SP140: variants seen among roughly 807,000 people sequenced by gnomAD.
SP140 encodes SP140 nuclear body protein.
A neutral mutation model predicts 125.0 loss-of-function variants in SP140; 81 were observed. The observed-to-expected ratio is 0.65, with a 90% CI of 0.54 to 0.78. SP140 has a LOEUF of 0.78. Among genes scored for constraint, SP140 ranks in the 30% least tolerant of loss-of-function variants. The pLI is 0.00. For synonymous variants in SP140, 312 were observed against 354.0 expected, an observed-to-expected ratio of 0.88 and a Z score of 1.33; for missense variants, 858 against 1,037.0, an observed-to-expected ratio of 0.83 and a Z score of 2.37.
At position 230,225,941 on chromosome 2, in the gene SP140, C is replaced by G. The variant is rs952657391; in HGVS notation, c.59+38C>G. 8 of 1,554,488 alleles carry G rather than the reference C, an allele frequency of 5.1e-6. No homozygotes were observed. In the Admixed American group the frequency reaches 1.2e-4, roughly 23 times the overall value. On this transcript the variant is annotated intron_variant, in intron 1 of 26. Coordinates refer to ENST00000392045, the MANE Select transcript of SP140 (RefSeq NM_007237.5). ...CTCCTTTCCCGTCTGTCCTTCATCTCTGGTAGGGTTCCCTTTCATACTTGT... is the reference window on the plus strand; with the variant it reads ...CTCCTTTCCCGTCTGTCCTTCATCTGTGGTAGGGTTCCCTTTCATACTTGT...
upstream of SP140, chr2:230,200,905 G>A (rs201350600): frequency 2.7e-5 from 43 of 1,613,322 alleles, no homozygotes; most frequent in Non-Finnish European, 3.6e-5. Flanking sequence ...CCTTCGTGGT[G>A]TACTAGGCGT....
chr2:230,293,227 G>A (rs1003097205), intron 20 of SP140, among the ~76,000 whole-genome samples: 12 of 152,230 alleles, frequency 7.9e-5, no homozygotes, highest in African/African-American at 2.9e-4. Flanking sequence ...AATTGGGGCA[G>A]GTTGTGCAGG....
rs981575617 is a variant in SP140 at position 230,239,062 on chromosome 2, G to T, written c.406+681G>T. On this transcript the variant is annotated intron_variant, in intron 3 of 26. Coordinates refer to ENST00000392045, the MANE Select transcript of SP140 (RefSeq NM_007237.5). ...TTGGAAAATAAAGAAGGAATAAAGG[G>T]CATTTAAACGGGAAAAGTAAAAGAA... 2.9e-6 allele frequency: 4 copies of T among 1,394,136 alleles called. No individual in the cohort carries two copies. In the South Asian group the frequency reaches 6.9e-5, roughly 24 times the overall value. The allele number at this position is 1,394,136 out of a possible 1,614,324, so 86.4% of individuals were successfully genotyped here.
chr2:230,253,566 T>G lies in SP140; in HGVS notation c.1159+149T>G, dbSNP rs901987722. On this transcript the variant is annotated intron_variant, in intron 11 of 26. Coordinates refer to ENST00000392045, the MANE Select transcript of SP140 (RefSeq NM_007237.5). ...AATTATGTCAATTTTCTGTTGGGCT[T>G]TTTTTGTAAATTGTGAGAGACAAAG... 1.2e-5 allele frequency: 8 copies of G among 654,520 alleles called. No individual in the cohort carries two copies. In the African/African-American group the frequency reaches 1.5e-4, roughly 12 times the overall value. 40.5% of individuals were successfully genotyped at this position (654,520 alleles called of 1,614,324 possible). A position where few individuals can be genotyped will look rare whatever the true frequency, so the allele number is the denominator to read the frequency against.
At chr2:230,315,268 A>G (rs191896290), downstream of SP140, among the ~76,000 whole-genome samples, 1 of 152,310 alleles carries the variant, frequency 6.6e-6, no homozygotes, top group African/African-American at 2.4e-5. Context: ...AGAACCTTGT[A>G]AATGTGCACA....
the SP140 span, among the ~76,000 whole-genome samples, chr2:230,189,790 G>A: frequency 0.76 from 116,172 of 151,992 alleles, 44,521 homozygotes; most frequent in Admixed American, 0.83. Flanking sequence ...GAGAACATGC[G>A]GTGTTTGGTT....
intron 10 of SP140, 98 bp from the exon 11 acceptor site, chr2:230,253,218 A>C: frequency 1.2e-6 from 1 of 816,980 alleles, no homozygotes; most frequent in Non-Finnish European, 2.1e-6. Context: ...GATGGAGAAA[A>C]GGCGGAACAA....
At chr2:230,247,310 C>T (rs2049607101) in intron 7 of SP140, among the ~76,000 whole-genome samples, 1 of 152,146 alleles carries the variant, frequency 6.6e-6, no homozygotes, top group Admixed American at 6.5e-5. Context: ...GATCTGACTC[C>T]TCTCCCAGTG....
chr2:230,207,993 C>T, intron 1 of SP140: 2 of 1,522,276 alleles, frequency 1.3e-6, no homozygotes, highest in Non-Finnish European at 1.8e-6. Flanking sequence ...CATCTTACCT[C>T]CTGGGAGGCT....
rs116860164 is a variant in SP140, at chr2:230,232,658, A to G, written c.60-4425A>G. Among the ~76,000 whole-genome samples, 759 of 152,318 alleles carry G rather than the reference A, an allele frequency of 5.0e-3. 13 individuals carry two copies. The highest frequency in any genetic ancestry group is 0.02 in the East Asian group (102 of 5,190). On this transcript the variant is annotated intron_variant, in intron 1 of 26. Transcript: ENST00000392045. ...ATAGCCAGAGCATGTAACCTGTTCA[A>G]TTTCTCTTCATTATTATTTATTGAA... is the stretch of plus-strand genomic sequence containing the variant.
Position 230,237,207 on chromosome 2 carries a change from C to T in SP140, c.184C>T (p.Pro62Ser). Residue 62 changes from proline (P) to serine (S), a missense_variant, in exon 2 of 27, where the codon CCT becomes TCT. Transcript: ENST00000392045. This position sits in a 1 kb window ranked among gnomAD's most constrained non-coding sequence, Gnocchi z 5.4. ...TGCAAGTGCAATAACAAGGCCATTT[C>T]CTTTCCTTATGGGCCTCCGAGACCG... is the stretch of plus-strand genomic sequence containing the variant. ...EIASAITRPFPFLMGLRDRSF... is the reference protein window; with the variant it reads ...EIASAITRPFSFLMGLRDRSF... 1 of 1,612,810 alleles carries T rather than the reference C, an allele frequency of 6.2e-7. No homozygotes were observed. The highest frequency in any genetic ancestry group is 8.5e-7 in the Non-Finnish European group (1 of 1,179,638).
chr2:230,189,747 T>C, the SP140 span, among the ~76,000 whole-genome samples: 3 of 152,282 alleles, frequency 2.0e-5, no homozygotes, highest in East Asian at 5.8e-4. Flanking sequence ...TCTGTGTCCA[T>C]GTGTTCTCAA....
rs780604793 is a variant in SP140 at position 230,245,876 on chromosome 2, T to C, written c.678T>C (p.Leu226=). Residue 226 remains leucine (L), a synonymous_variant, in exon 7 of 27, where the codon CTT becomes CTC. Coordinates refer to ENST00000392045, the MANE Select transcript of SP140 (RefSeq NM_007237.5). ...TTCACTCTGCAGTGTCCTGTAAACT[T>C]GCTATACAAATAGATGAAGGAGAAT... ...LLPGGGVSCK[L]AIQIDEGESE... 9.3e-6 allele frequency: 15 copies of C among 1,605,772 alleles called. No individual in the cohort carries two copies. In the Admixed American group the frequency reaches 2.0e-4, roughly 21 times the overall value.
intron 1 of SP140, chr2:230,212,787 A>C: frequency 6.2e-7 from 1 of 1,614,144 alleles, no homozygotes; most frequent in Non-Finnish European, 8.5e-7. Flanking sequence ...TTCCTGGATG[A>C]GTGCAGGGAG....
Position 230,251,061 on chromosome 2 carries a change from G to A in SP140, c.1057G>A (p.Val353Ile). 1 of 1,612,618 alleles carries A rather than the reference G, an allele frequency of 6.2e-7. No individual in the cohort carries two copies. The highest frequency in any genetic ancestry group is 8.5e-7 in the Non-Finnish European group (1 of 1,179,404). Reference sequence around the variant, plus strand: ...TAGCTCCCTAGCAAGATGTGGGTCAGGTAAAGAAGGGGAGGATTTCTGGCC... The same window carrying A: ...TAGCTCCCTAGCAAGATGTGGGTCAAGTAAAGAAGGGGAGGATTTCTGGCC... Reference protein sequence around the residue: ...ASSSLARCGSVSCLSAETFDL... With the variant: ...ASSSLARCGSISCLSAETFDL... Residue 353 changes from valine (V) to isoleucine (I), a missense_variant and splice_region_variant, in exon 10 of 27, where the codon GTT (valine) becomes ATT (isoleucine). Coordinates refer to ENST00000392045, the MANE Select transcript of SP140 (RefSeq NM_007237.5).
chr2:230,221,700 C>G (rs973358608), upstream of SP140: 1 of 1,535,912 alleles, frequency 6.5e-7, no homozygotes, highest in Non-Finnish European at 8.7e-7. Context: ...TCACATGTCA[C>G]TTACCTGAAG....
In SP140 at chr2:230,312,748, A is replaced by T. The variant is rs2059427820; in HGVS notation, c.*64A>T. ...CCCTAAAATATGCCGCTGGTTTGCC[A>T]CTGACTTCAAAATGAGGTCACTTGG... On this transcript the variant is annotated 3_prime_UTR_variant, in exon 27 of 27. Transcript: ENST00000392045. The T allele has an allele frequency of 3.2e-6, 4 of 1,253,128 alleles. No individual in the cohort carries two copies. In the South Asian group the frequency reaches 4.8e-5, roughly 15 times the overall value. 77.6% of individuals were successfully genotyped at this position (1,253,128 alleles called of 1,614,324 possible). A position where few individuals can be genotyped will look rare whatever the true frequency, so the allele number is the denominator to read the frequency against.
intron 4 of SP140, 101 bp from the exon 5 acceptor site, chr2:230,243,630 G>T: frequency 1.1e-6 from 1 of 928,598 alleles, no homozygotes; most frequent in East Asian, 2.5e-5. Flanking sequence ...GGACCTTCCA[G>T]ATTATCAGGT....
intron 15 of SP140, among the ~76,000 whole-genome samples, chr2:230,276,737 TCAC>T (rs764426085): frequency 4.6e-5 from 7 of 152,206 alleles, no homozygotes; most frequent in Non-Finnish European, 7.4e-5. Flanking sequence ...TGGAAAGGAT[TCAC>T]CATTTTACAT....
Sources: gnomAD v4.1 joint callset for allele counts (sites outside exome capture counted in the v4.1 genomes callset) on GRCh38, gnomAD v4.1.1 for gene constraint, Gnocchi (gnomAD v3.1) non-coding constraint, MANE v1.5 for transcripts, NCBI Gene and HGNC (gene_info 2026-07-23, HGNC 2026-07-21) for gene names.